EIF2B3: variants seen among roughly 807,000 people sequenced by gnomAD.
EIF2B3 encodes eukaryotic translation initiation factor 2B subunit gamma.
Under a neutral mutation model 54.1 loss-of-function variants are expected in EIF2B3, and 20 were observed. That is an observed-to-expected ratio of 0.37 (90% confidence interval 0.26 to 0.54). The LOEUF is 0.54. EIF2B3 is among the 20% of genes least tolerant of loss of function. The pLI, the probability that EIF2B3 is intolerant of heterozygous loss-of-function variation, is 0.86. For synonymous variants in EIF2B3, 153 were observed against 188.1 expected, an observed-to-expected ratio of 0.81 and a Z score of 1.52; for missense variants, 448 against 547.8, an observed-to-expected ratio of 0.82 and a Z score of 1.82.
intron 10 of EIF2B3, among the ~76,000 whole-genome samples, chr1:44,872,087 T>C (rs757111952): frequency 4.6e-5 from 7 of 152,066 alleles, no homozygotes; most frequent in Non-Finnish European, 8.8e-5. Flanking sequence ...GGCTGCAGTG[T>C]AGTAGCACAA....
intron 5 of EIF2B3, among the ~76,000 whole-genome samples, chr1:44,914,037 C>T (rs1270881478): frequency 6.7e-6 from 1 of 149,928 alleles, no homozygotes; most frequent in Non-Finnish European, 1.5e-5. Flanking sequence ...CAGGATGTTG[C>T]CCAGGCTGGT....
chr1:44,884,254 C>T (rs1655504969), intron 6 of EIF2B3, among the ~76,000 whole-genome samples: 1 of 152,050 alleles, frequency 6.6e-6, no homozygotes, highest in South Asian at 2.1e-4. Context: ...AAAGGGAGAC[C>T]AGTTACAATA....
chr1:44,983,346 C>A (rs1644534324), intron 1 of EIF2B3, among the ~76,000 whole-genome samples: 1 of 152,182 alleles, frequency 6.6e-6, no homozygotes, highest in Non-Finnish European at 1.5e-5. Context: ...TGCAACTTTA[C>A]TATAATTATT....
At chr1:44,952,735 G>A (rs1644180619) in intron 3 of EIF2B3, among the ~76,000 whole-genome samples, 1 of 151,578 alleles carries the variant, frequency 6.6e-6, no homozygotes, top group African/African-American at 2.4e-5. Flanking sequence ...TGTATTTTTA[G>A]TAGAGACGGG....
intron 5 of EIF2B3, among the ~76,000 whole-genome samples, chr1:44,919,310 A>G (rs1054062599): frequency 1.1e-4 from 16 of 151,772 alleles, no homozygotes; most frequent in Admixed American, 1.3e-4. Context: ...AGATCACGGC[A>G]CTGCACTCCA....
At chr1:44,908,739 A>C (rs1643460145) in intron 5 of EIF2B3, among the ~76,000 whole-genome samples, 2 of 152,222 alleles carry the variant, frequency 1.3e-5, no homozygotes, top group African/African-American at 4.8e-5. Context: ...ATTCTGGAGA[A>C]TGTTGAAAAA....
intron 10 of EIF2B3, among the ~76,000 whole-genome samples, chr1:44,873,431 T>G (rs1655024396): frequency 6.6e-6 from 1 of 152,162 alleles, no homozygotes; most frequent in Non-Finnish European, 1.5e-5. Flanking sequence ...AGAATTTAGC[T>G]CTCCTTTCTC....
chr1:44,979,906 C>T (rs994897680), intron 2 of EIF2B3, among the ~76,000 whole-genome samples: 4 of 152,218 alleles, frequency 2.6e-5, no homozygotes, highest in African/African-American at 7.2e-5. Flanking sequence ...GTGGAGGTTG[C>T]AGTGAGCTGA....
At chr1:44,902,032 G>A (rs192722703) in intron 5 of EIF2B3, among the ~76,000 whole-genome samples, 9 of 152,244 alleles carry the variant, frequency 5.9e-5, no homozygotes, top group African/African-American at 2.2e-4. Context: ...GGATCAAACT[G>A]TTCTAGCACA....
At chr1:44,900,843 CTTG>C (rs1643280243) in intron 5 of EIF2B3, among the ~76,000 whole-genome samples, 1 of 152,098 alleles carries the variant, frequency 6.6e-6, no homozygotes, top group Non-Finnish European at 1.5e-5. Flanking sequence ...TTTTCATGTG[CTTG>C]TTAGCCATTT....
chr1:44,867,960 C>T (rs1353234231), intron 10 of EIF2B3, among the ~76,000 whole-genome samples: 1 of 151,848 alleles, frequency 6.6e-6, no homozygotes, highest in Non-Finnish European at 1.5e-5. Context: ...ATCACTTGAG[C>T]CCAGGAGGTT....
At chr1:44,922,836 ATTT>A (rs386366852) in intron 5 of EIF2B3, among the ~76,000 whole-genome samples, 21 of 56,634 alleles carry the variant, frequency 3.7e-4, no homozygotes, top group African/African-American at 1.4e-3. Flanking sequence ...TCTTTTTCAG[ATTT>A]TTTTTTTTTT....
chr1:44,934,488 AATTTTTTATT>A (rs1052879940), intron 4 of EIF2B3, among the ~76,000 whole-genome samples: 3 of 151,732 alleles, frequency 2.0e-5, no homozygotes, highest in Non-Finnish European at 2.9e-5. Context: ...AAATTTTTTT[AATTTTTTATT>A]ATTTTTTATT....
At chr1:44,913,933 T>G (rs1414326615) in intron 5 of EIF2B3, among the ~76,000 whole-genome samples, 2 of 141,784 alleles carry the variant, frequency 1.4e-5, no homozygotes, top group Non-Finnish European at 3.1e-5. Context: ...TTCAAGTGAT[T>G]CTGCAGCCTC....
intron 4 of EIF2B3, among the ~76,000 whole-genome samples, chr1:44,931,907 A>G (rs1643899922): frequency 6.6e-6 from 1 of 152,220 alleles, no homozygotes; most frequent in Non-Finnish European, 1.5e-5. Context: ...ATTTGAGGCT[A>G]GGAGTTCAAG....
intron 3 of EIF2B3, among the ~76,000 whole-genome samples, chr1:44,956,593 T>A (rs1024506652): frequency 6.6e-6 from 1 of 152,044 alleles, no homozygotes; most frequent in African/African-American, 2.4e-5. Context: ...ATAGAAAATT[T>A]AAAAATATGA....
At chr1:44,944,016 T>A (rs1644068509) in intron 3 of EIF2B3, among the ~76,000 whole-genome samples, 1 of 151,960 alleles carries the variant, frequency 6.6e-6, no homozygotes, top group Non-Finnish European at 1.5e-5. Context: ...TGGTGGCACA[T>A]GCCTATAGTC....
Position 44,869,462 on chromosome 1 carries a change from A to G in EIF2B3, c.1202+5216T>C, listed in dbSNP as rs573398060. ...CATTGCACTCCAGCCTTGGTGACAG[A>G]GTGAGACTATCTCGGAAAAAAAAAA... On this transcript the variant is annotated intron_variant, in intron 10 of 11. Transcript: ENST00000360403. Among the ~76,000 whole-genome samples the G allele has an allele frequency of 2.5e-4, 37 of 150,272 alleles. No homozygotes were observed. In the East Asian group the frequency reaches 6.5e-3, roughly 27 times the overall value.
intron 10 of EIF2B3, among the ~76,000 whole-genome samples, chr1:44,861,453 G>A (rs191128057): frequency 6.6e-6 from 1 of 152,284 alleles, no homozygotes; most frequent in East Asian, 1.9e-4. Flanking sequence ...GGTAAACATA[G>A]TCAGCAGACA....
Sources: gnomAD v4.1 joint callset for allele counts (sites outside exome capture counted in the v4.1 genomes callset) on GRCh38, gnomAD v4.1.1 for gene constraint, MANE v1.5 for transcripts, NCBI Gene and HGNC (gene_info 2026-07-23, HGNC 2026-07-21) for gene names.